Variants in CFAP418 observed in about 807,000 individuals in gnomAD.
CFAP418 encodes the protein cilia and flagella associated protein 418.
Under a neutral mutation model 24.7 loss-of-function variants are expected in CFAP418, and 27 were observed. That is an observed-to-expected ratio of 1.09 (90% confidence interval 0.81 to 1.51). The LOEUF is 1.51. CFAP418 is among the 40% of genes most tolerant of loss of function. The pLI is 0.00. For synonymous variants in CFAP418, 74 were observed against 87.3 expected (o/e 0.85, Z 0.85); for missense variants, 257 against 255.2 (o/e 1.01, Z -0.05).
chr8:95,268,931 T>C, intron 1 of CFAP418, 104 bp downstream of exon 1: 2 of 1,264,024 alleles, frequency 1.6e-6, no homozygotes, highest in African/African-American at 1.5e-5. Flanking sequence ...AAGGAGGGGC[T>C]GGAGGTCGCG....
chr8:95,268,894 G>A (rs1007297506), intron 1 of CFAP418, 141 bp downstream of exon 1: 2 of 874,820 alleles, frequency 2.3e-6, no homozygotes, highest in East Asian at 2.5e-5. Flanking sequence ...GCGGAGGGTA[G>A]GGCGCTGAGG....
At chr8:95,256,095 T>A (rs1344923724) in intron 4 of CFAP418, among the ~76,000 whole-genome samples, 1 of 152,254 alleles carries the variant, frequency 6.6e-6, no homozygotes, top group African/African-American at 2.4e-5. Context: ...GGCTGTTCTT[T>A]GGTTTACTGA....
intron 4 of CFAP418, 148 bp downstream of exon 4, chr8:95,259,692 T>TA: frequency 2.9e-6 from 2 of 681,530 alleles, no homozygotes; most frequent in Non-Finnish European, 2.5e-6. Flanking sequence ...CTCCCAAGAA[T>TA]AAAAAACAAA....
intron 4 of CFAP418, among the ~76,000 whole-genome samples, chr8:95,255,146 T>C (rs1163408552): frequency 6.6e-6 from 1 of 152,146 alleles, no homozygotes; most frequent in Admixed American, 6.5e-5. Context: ...GCAGCCAACA[T>C]GACTTTTTTA....
chr8:95,247,553 C>T lies in CFAP418; in HGVS notation c.*64G>A. On this transcript the variant is annotated 3_prime_UTR_variant, in exon 6 of 6. Transcript: ENST00000286688. ...GTATTGCTAGGGACTATTGTCTAAA[C>T]ATGATGATGATTCATGGAGACCACT... 6.3e-7 allele frequency: 1 copy of T among 1,586,234 alleles called. No individual in the cohort carries two copies. The highest frequency in any genetic ancestry group is 8.6e-7 in the Non-Finnish European group (1 of 1,157,032).
intron 5 of CFAP418, among the ~76,000 whole-genome samples, chr8:95,248,123 T>G (rs1811656066): frequency 6.6e-6 from 1 of 152,186 alleles, no homozygotes; most frequent in South Asian, 2.1e-4. Context: ...ATTGCAGGCA[T>G]GAACCATGGT....
chr8:95,246,491 T>C lies in CFAP418; in HGVS notation c.*1126A>G, dbSNP rs902688118. On this transcript the variant is annotated 3_prime_UTR_variant, in exon 6 of 6. Transcript: ENST00000286688. Reference sequence around the variant, plus strand: ...TAAGACTAAGAAGATTATAACTTTGTTTCAATTATTCCCTTTCAGGGTGCT... The same window carrying C: ...TAAGACTAAGAAGATTATAACTTTGCTTCAATTATTCCCTTTCAGGGTGCT... The C allele has an allele frequency of 2.0e-5, 3 of 152,244 alleles. No homozygotes were observed. The highest frequency in any genetic ancestry group is 7.2e-5 in the African/African-American group (3 of 41,468). 9.4% of individuals were successfully genotyped at this position (152,244 alleles called of 1,614,324 possible).
rs1254535266 is a variant in CFAP418 at position 95,254,024 on chromosome 8, ACAC to A, written c.375-1744_375-1742del. On this transcript the variant is annotated intron_variant, in intron 4 of 5. Coordinates refer to ENST00000286688, the MANE Select transcript of CFAP418 (RefSeq NM_177965.4). ...TTTAGTAGTTTATTCAAATCTATTC[ACAC>A]CACCACATTTTCCTACAAACACTGT... 7.2e-5 allele frequency among the ~76,000 whole-genome samples: 11 copies of A among 152,330 alleles called. No homozygotes were observed. The East Asian group carries it at 1.9e-3, about 27-fold the overall frequency.
rs560824313 is a variant in CFAP418 at position 95,268,964 on chromosome 8, C to T, written c.155+71G>A. Reference sequence around the variant, plus strand: ...GCGGGCACGTTTCTTTTGGGTTGGGCGGCGGAGGGGCAGCTCTAGGGCCTG... The same window carrying T: ...GCGGGCACGTTTCTTTTGGGTTGGGTGGCGGAGGGGCAGCTCTAGGGCCTG... On this transcript the variant is annotated intron_variant, in intron 1 of 5. Transcript: ENST00000286688. The T allele has an allele frequency of 5.4e-5, 82 of 1,510,392 alleles. No homozygotes were observed. The East Asian group carries it at 1.7e-3, about 32-fold the overall frequency. 93.6% of individuals were successfully genotyped at this position (1,510,392 alleles called of 1,614,324 possible).
At position 95,260,489 on chromosome 8, in the gene CFAP418, G is replaced by T; in HGVS notation, c.287C>A (p.Ser96Tyr). ...TTACCTTTTACCAAGGCCTTCAATG[G>T]AAGCTCTGACAGATGTGTTACCTGA... The part of the protein sequence containing the change: ...KSSGNTSVRA[S>Y]IEGLGKSCSP... The change falls in exon 3 of 6, where the codon TCC becomes TAC. Residue 96 changes from serine (S) to tyrosine (Y), a missense_variant. By Grantham distance (144) the Ser-to-Tyr change is moderately radical. Coordinates refer to ENST00000286688, the MANE Select transcript of CFAP418 (RefSeq NM_177965.4). 6.3e-7 allele frequency: 1 copy of T among 1,589,366 alleles called. No homozygotes were observed. The highest frequency in any genetic ancestry group is 8.5e-7 in the Non-Finnish European group (1 of 1,172,428).
At chr8:95,260,390 G>T in intron 3 of CFAP418, 78 bp downstream of exon 3, 1 of 1,083,780 alleles carries the variant, frequency 9.2e-7, no homozygotes, top group South Asian at 1.5e-5. Context: ...CTGTTTAAAT[G>T]GTAACAAAAT....
chr8:95,252,186 A>G lies in CFAP418; in HGVS notation c.470+2T>C. ...TCAGAGTGAAGTTCTTTAGCAACAT[A>G]CCTGAAAAACAGATAATCACACGAT... On this transcript the variant is annotated splice_donor_variant, in intron 5 of 5. Transcript: ENST00000286688. LOFTEE classifies it high-confidence loss of function. 1 of 1,604,126 alleles carries G rather than the reference A, an allele frequency of 6.2e-7. No homozygotes were observed. The highest frequency in any genetic ancestry group is 8.5e-7 in the Non-Finnish European group (1 of 1,173,514).
At chr8:95,248,015 T>A (rs944220324) in intron 5 of CFAP418, among the ~76,000 whole-genome samples, 1 of 151,832 alleles carries the variant, frequency 6.6e-6, no homozygotes, top group African/African-American at 2.4e-5. Flanking sequence ...CTTAAAAAAT[T>A]TTTTTTTGTA....
intron 2 of CFAP418, among the ~76,000 whole-genome samples, chr8:95,262,805 A>C (rs1167459179): frequency 6.6e-6 from 1 of 152,174 alleles, no homozygotes; most frequent in Non-Finnish European, 1.5e-5. Flanking sequence ...ATGAAGGCGT[A>C]ATCACTGGTT....
At chr8:95,249,656 GAAAA>G (rs58288207) in intron 5 of CFAP418, among the ~76,000 whole-genome samples, 1 of 140,726 alleles carries the variant, frequency 7.1e-6, no homozygotes, top group South Asian at 2.2e-4. Context: ...GATTGGCTCA[GAAAA>G]AAAAAAAAAG....
chr8:95,266,439 A>C (rs1811982108), intron 1 of CFAP418, among the ~76,000 whole-genome samples: 1 of 152,196 alleles, frequency 6.6e-6, no homozygotes, highest in South Asian at 2.1e-4. Flanking sequence ...ATCCAGATGT[A>C]GCATGGTCAT....
Position 95,247,826 on chromosome 8 carries a change from T to TA in CFAP418, c.471-57dup, listed in dbSNP as rs35181539. ...GTGGCTTTGTTCAGTGCTTAATGAT[T>TA]AAAAAAAAAAAAAAAGGTCATTGCT... is the stretch of plus-strand genomic sequence containing the variant. On this transcript the variant is annotated intron_variant, in intron 5 of 5. Transcript: ENST00000286688. 0.13 allele frequency: 142,485 copies of TA among 1,091,438 alleles called. 1,815 individuals carry two copies. Among genetic ancestry groups the TA allele is most frequent in the African/African-American group, 0.26 (15,372 of 58,486 alleles). The allele number at this position is 1,091,438 out of a possible 1,614,324, so 67.6% of individuals were successfully genotyped here. A position where few individuals can be genotyped will look rare whatever the true frequency, so the allele number is the denominator to read the frequency against.
At chr8:95,266,859 A>G (rs1274623747) in intron 1 of CFAP418, among the ~76,000 whole-genome samples, 1 of 152,234 alleles carries the variant, frequency 6.6e-6, no homozygotes, top group Admixed American at 6.5e-5. Flanking sequence ...GAGCAAGAAC[A>G]GGCATGACAC....
At position 95,263,124 on chromosome 8, in the gene CFAP418, T is replaced by TA. The variant is rs1043506830; in HGVS notation, c.243+562dup. ...TATATCTTTAATTTGTACTTCTTTT[T>TA]AAAAAAAAAGGTCCAGTAAAGCAAA... is the stretch of plus-strand genomic sequence containing the variant. On this transcript the variant is annotated intron_variant, in intron 2 of 5. Transcript: ENST00000286688. Among the ~76,000 whole-genome samples, 20 of 151,390 alleles carry TA rather than the reference T, an allele frequency of 1.3e-4. No homozygotes were observed. The South Asian group carries it at 2.7e-3, about 21-fold the overall frequency.
Sources: gnomAD v4.1 joint callset for allele counts (sites outside exome capture counted in the v4.1 genomes callset) on GRCh38, gnomAD v4.1.1 for gene constraint, MANE v1.5 for transcripts, NCBI Gene and HGNC (gene_info 2026-07-23, HGNC 2026-07-21) for gene names.